Variants in ADARB2 observed in about 807,000 individuals in gnomAD.
ADARB2 encodes the protein inactive double-stranded RNA-specific editase B2.
In ADARB2, 25 loss-of-function variants were observed where a neutral mutation model predicts 62.2. The ratio of observed to expected loss-of-function variants is 0.40; its 90% CI spans 0.29 to 0.56. The LOEUF (loss-of-function observed/expected upper bound fraction) is 0.56. Ranked by LOEUF, ADARB2 falls within the 20% of genes least tolerant of loss-of-function variation. ADARB2 has a pLI of 0.43. For missense variants in ADARB2, 1,071 were observed against 1,077.4 expected, an observed-to-expected ratio of 0.99 and a Z score of 0.08; for synonymous variants, 572 against 500.8, an observed-to-expected ratio of 1.14 and a Z score of -1.90.
At chr10:1,648,679 T>C (rs1834074475) in intron 1 of ADARB2, among the ~76,000 whole-genome samples, 1 of 152,216 alleles carries the variant, frequency 6.6e-6, no homozygotes, top group Non-Finnish European at 1.5e-5. Context: ...CTTTCTATTT[T>C]ACGGCATGTT....
At chr10:1,488,094 C>A (rs755643106) in intron 1 of ADARB2, among the ~76,000 whole-genome samples, 5 of 152,080 alleles carry the variant, frequency 3.3e-5, no homozygotes, top group Non-Finnish European at 5.9e-5. Flanking sequence ...ATAAAGAATC[C>A]ATTCCATTAC....
chr10:1,304,417 T>A (rs1392895114), intron 3 of ADARB2, among the ~76,000 whole-genome samples: 4 of 149,004 alleles, frequency 2.7e-5, no homozygotes, highest in Admixed American at 6.7e-5. Context: ...CTCCCACACA[T>A]TAATAATGGG....
intron 1 of ADARB2, among the ~76,000 whole-genome samples, chr10:1,448,882 G>GC (rs1831002474): frequency 6.6e-6 from 1 of 152,044 alleles, no homozygotes; most frequent in African/African-American, 2.4e-5. Context: ...CAGAGCCTCA[G>GC]CCTGCCGACC....
chr10:1,666,594 G>A (rs958147264), intron 1 of ADARB2, among the ~76,000 whole-genome samples: 1 of 152,200 alleles, frequency 6.6e-6, no homozygotes, highest in East Asian at 1.9e-4. Context: ...TCCTGCAGCC[G>A]AGGGGGAATT....
intron 1 of ADARB2, among the ~76,000 whole-genome samples, chr10:1,641,536 A>G (rs1833978054): frequency 6.6e-6 from 1 of 152,242 alleles, no homozygotes; most frequent in Non-Finnish European, 1.5e-5. Flanking sequence ...CTGTAGTTAA[A>G]AGAGCAGCAG....
In ADARB2 at chr10:1,479,661, C is replaced by G. The variant is rs570953189; in HGVS notation, c.101-100501G>C. ...GAGGGGAGAGGCTGAAGAGGGGTGG[C>G]GGCTCCAACATGTAACTGGTTTCCA... On this transcript the variant is annotated intron_variant, in intron 1 of 9. Coordinates refer to ENST00000381312, the MANE Select transcript of ADARB2 (RefSeq NM_018702.4). Among the ~76,000 whole-genome samples the G allele has an allele frequency of 3.3e-5, 5 of 152,270 alleles. No individual in the cohort carries two copies. In the East Asian group the frequency reaches 7.7e-4, roughly 23 times the overall value.
intron 3 of ADARB2, among the ~76,000 whole-genome samples, chr10:1,312,473 C>T (rs1831700944): frequency 1.3e-5 from 2 of 152,334 alleles, no homozygotes; most frequent in African/African-American, 4.8e-5. Context: ...GAACAGATTT[C>T]AAAGACCACC....
chr10:1,679,076 C>G (rs1057303720), intron 1 of ADARB2, among the ~76,000 whole-genome samples: 9 of 152,156 alleles, frequency 5.9e-5, no homozygotes, highest in African/African-American at 1.9e-4. Flanking sequence ...AAGTGCAGGC[C>G]CTGGGCCCCA....
chr10:1,322,177 G>A (rs776419009), intron 3 of ADARB2, among the ~76,000 whole-genome samples: 2 of 152,198 alleles, frequency 1.3e-5, no homozygotes, highest in Non-Finnish European at 2.9e-5. Context: ...GGTGAGAGGT[G>A]ATGGGAGAGA....
chr10:1,490,762 G>GC (rs1241737060), intron 1 of ADARB2, among the ~76,000 whole-genome samples: 1 of 152,086 alleles, frequency 6.6e-6, no homozygotes, highest in Non-Finnish European at 1.5e-5. Flanking sequence ...GCCTGCTATT[G>GC]TTTTTTTAAA....
intron 1 of ADARB2, among the ~76,000 whole-genome samples, chr10:1,458,650 A>G (rs1351736362): frequency 3.3e-5 from 5 of 152,036 alleles, no homozygotes; most frequent in South Asian, 2.1e-4. Flanking sequence ...CTTTGCTTTT[A>G]CATTTTTCTG....
chr10:1,496,018 C>G (rs1037699826), intron 1 of ADARB2, among the ~76,000 whole-genome samples: 2 of 151,740 alleles, frequency 1.3e-5, no homozygotes, highest in African/African-American at 4.8e-5. Context: ...TCATCATCAC[C>G]ATCATTAGTA....
chr10:1,335,381 G>T (rs141215889), intron 3 of ADARB2, among the ~76,000 whole-genome samples: 2 of 149,740 alleles, frequency 1.3e-5, no homozygotes, highest in African/African-American at 4.9e-5. Context: ...GATGAAGGGA[G>T]AAAAGGATAG....
At position 1,640,120 on chromosome 10, in the gene ADARB2, A is replaced by G. The variant is rs150066442; in HGVS notation, c.100+96931T>C. 9.0e-3 allele frequency among the ~76,000 whole-genome samples: 1,375 copies of G among 152,306 alleles called. 8 individuals are homozygous for G. Among genetic ancestry groups the G allele is most frequent in the Middle Eastern group, 0.037 (11 of 294 alleles). ...TACCTCTAGTGATGGGGAACTCACT[A>G]TCTCCTGAGGGTGTTTTTCTGTTTC... On this transcript the variant is annotated intron_variant, in intron 1 of 9. Coordinates refer to ENST00000381312, the MANE Select transcript of ADARB2 (RefSeq NM_018702.4).
At chr10:1,590,910 T>C (rs866000263) in intron 1 of ADARB2, among the ~76,000 whole-genome samples, 1 of 152,084 alleles carries the variant, frequency 6.6e-6, no homozygotes, top group Admixed American at 6.5e-5. Flanking sequence ...CTCAGGTTAC[T>C]CAGTAAAAGG....
intron 3 of ADARB2, among the ~76,000 whole-genome samples, chr10:1,358,138 A>G (rs1438545586): frequency 6.6e-6 from 1 of 152,194 alleles, no homozygotes; most frequent in Admixed American, 6.5e-5. Flanking sequence ...CTTCATCTTG[A>G]CTTGCTGCCT....
At chr10:1,241,119 C>T (rs571329423) in intron 5 of ADARB2, among the ~76,000 whole-genome samples, 4 of 152,226 alleles carry the variant, frequency 2.6e-5, no homozygotes, top group South Asian at 4.1e-4. Flanking sequence ...ATTAGCCAGG[C>T]GTGGTGGTGA....
chr10:1,524,887 C>T (rs143804585), intron 1 of ADARB2, among the ~76,000 whole-genome samples: 168 of 152,272 alleles, frequency 1.1e-3, no homozygotes, highest in African/African-American at 3.9e-3. Context: ...GAATGAAATA[C>T]ACAGAAAATA....
At chr10:1,720,743 C>G (rs115850623) in intron 1 of ADARB2, among the ~76,000 whole-genome samples, 1 of 152,100 alleles carries the variant, frequency 6.6e-6, no homozygotes, top group Non-Finnish European at 1.5e-5. Context: ...ACGTGGAAAC[C>G]CTGTGGCAAA....
Sources: gnomAD v4.1 joint callset for allele counts (sites outside exome capture counted in the v4.1 genomes callset) on GRCh38, gnomAD v4.1.1 for gene constraint, MANE v1.5 for transcripts, NCBI Gene and HGNC (gene_info 2026-07-23, HGNC 2026-07-21) for gene names.